The following SP3 variants were observed in gnomAD, a reference collection of about 807,000 sequenced individuals.
SP3 encodes the protein transcription factor Sp3.
SP3 carries 10 observed loss-of-function variants against 70.3 expected under a neutral mutation model. The observed-to-expected ratio is 0.14, with a 90% confidence interval of 0.09 to 0.24. The LOEUF (loss-of-function observed/expected upper bound fraction) is 0.24. SP3 is among the 10% of genes least tolerant of loss of function. The pLI is 1.00. For missense variants in SP3, 825 were observed against 914.6 expected, an observed-to-expected ratio of 0.90 and a Z score of 1.26; for synonymous variants, 402 against 333.5, an observed-to-expected ratio of 1.21 and a Z score of -2.24.
At chr2:173,923,848 A>C (rs555083103) in intron 4 of SP3, among the ~76,000 whole-genome samples, 1 of 152,048 alleles carries the variant, frequency 6.6e-6, no homozygotes, top group South Asian at 2.1e-4. Flanking sequence ...CATAAAAATC[A>C]TCTAACAGAA....
intron 4 of SP3, among the ~76,000 whole-genome samples, chr2:173,925,523 G>C (rs1293110216): frequency 6.6e-6 from 1 of 152,128 alleles, no homozygotes. Context: ...TAACATTACT[G>C]AACTGTACAC....
In SP3 at chr2:173,918,870, T is replaced by C. The variant is rs1393891734; in HGVS notation, c.1640-85A>G. Reference sequence around the variant, plus strand: ...CATGAAATTACATGTCTTCTCCCAATGTTACAACTTTGCATGCACTACTTC... The same window carrying C: ...CATGAAATTACATGTCTTCTCCCAACGTTACAACTTTGCATGCACTACTTC... On this transcript the variant is annotated intron_variant, in intron 4 of 6. Transcript: ENST00000310015. The C allele has an allele frequency of 2.0e-5, 24 of 1,220,930 alleles. No homozygotes were observed. The Admixed American group carries it at 5.9e-4, about 30-fold the overall frequency. The allele number at this position is 1,220,930 out of a possible 1,614,324, so 75.6% of individuals were successfully genotyped here. A position where few individuals can be genotyped will look rare whatever the true frequency, so the allele number is the denominator to read the frequency against.
chr2:173,934,369 C>G (rs1418897557), intron 4 of SP3, among the ~76,000 whole-genome samples: 6 of 152,060 alleles, frequency 3.9e-5, no homozygotes, highest in Non-Finnish European at 8.8e-5. Flanking sequence ...AACTTTCTTA[C>G]CAAGTCTTTT....
intron 4 of SP3, among the ~76,000 whole-genome samples, chr2:173,926,958 G>A (rs1356823236): frequency 1.3e-5 from 2 of 152,124 alleles, no homozygotes; most frequent in African/African-American, 4.8e-5. Flanking sequence ...TCTGCAGGCT[G>A]TATAGGAAGC....
chr2:173,944,697 G>A (rs116584341), intron 4 of SP3, among the ~76,000 whole-genome samples: 1,780 of 152,254 alleles, frequency 0.012, 21 homozygotes, highest in Non-Finnish European at 0.019. Context: ...ATTCTTTTAT[G>A]TTCATCCAGA....
In SP3 at chr2:173,952,426, G is replaced by A. The variant is rs558784002; in HGVS notation, c.1639+2447C>T. ...AGGATGGCTGTAATCAGAAAGATGG[G>A]CAATAATAAGGTTGGTGGCGCTAGA... is the stretch of plus-strand genomic sequence containing the variant. On this transcript the variant is annotated intron_variant, in intron 4 of 6. Coordinates refer to ENST00000310015, the MANE Select transcript of SP3 (RefSeq NM_003111.5). Among the ~76,000 whole-genome samples, 15 of 152,200 alleles carry A rather than the reference G, an allele frequency of 9.9e-5. No homozygotes were observed. The East Asian group carries it at 2.9e-3, about 29-fold the overall frequency.
intron 4 of SP3, among the ~76,000 whole-genome samples, chr2:173,922,346 A>C (rs538760367): frequency 9.9e-5 from 15 of 151,588 alleles, no homozygotes; most frequent in Non-Finnish European, 1.9e-4. Flanking sequence ...ATTAACTGAG[A>C]TATGGTAAAC....
At chr2:173,965,424 C>G (rs909094856), upstream of SP3, 5 of 536,918 alleles carry the variant, frequency 9.3e-6, no homozygotes, top group Non-Finnish European at 1.7e-5. Context: ...CGCCGCCGTG[C>G]TCTTTGTCGG....
rs1048384815 is a variant in SP3, at chr2:173,906,691, G to C, written c.*3250C>G. ...TTCATAAAACAAAACTTTTGGGTCTGAGTAGGCAGTACTGGAATTTAAACT... is the reference window on the plus strand; with the variant it reads ...TTCATAAAACAAAACTTTTGGGTCTCAGTAGGCAGTACTGGAATTTAAACT... On this transcript the variant is annotated 3_prime_UTR_variant, in exon 7 of 7. Transcript: ENST00000310015. 2 of 152,194 alleles carry C rather than the reference G, an allele frequency of 1.3e-5. No homozygotes were observed. The highest frequency in any genetic ancestry group is 1.3e-4 in the Admixed American group (2 of 15,284). 9.4% of individuals were successfully genotyped at this position (152,194 alleles called of 1,614,324 possible).
intron 4 of SP3, among the ~76,000 whole-genome samples, chr2:173,934,848 T>C (rs1203641442): frequency 6.6e-6 from 1 of 152,172 alleles, no homozygotes; most frequent in Non-Finnish European, 1.5e-5. Flanking sequence ...TTCTATTCCA[T>C]CTTCACTTAA....
Position 173,955,718 on chromosome 2 carries a change from G to A in SP3, c.794C>T (p.Thr265Met), listed in dbSNP as rs762983439. The A allele has an allele frequency of 1.9e-6, 3 of 1,614,164 alleles. No individual in the cohort carries two copies. The highest frequency in any genetic ancestry group is 1.7e-5 in the Admixed American group (1 of 60,028). Residue 265 changes from threonine (T) to methionine (M), a missense_variant, in exon 4 of 7, where the codon ACG (threonine) becomes ATG (methionine). Around this residue, in one of 4 missense-constraint regions of SP3, gnomAD observed 678 missense variants for 651.6 expected, o/e 1.04. Transcript: ENST00000310015. ...ATCGACACTATTGATTGGTACAAACGTAATATTTCCTGGCAGACCAAGAGG... is the reference window on the plus strand; with the variant it reads ...ATCGACACTATTGATTGGTACAAACATAATATTTCCTGGCAGACCAAGAGG... ...NVPLGLPGNI[T>M]FVPINSVDLD... is the part of the protein sequence containing the mutation.
intron 1 of SP3, 97 bp downstream of exon 1, chr2:173,965,068 C>A (rs1457779799): frequency 1.3e-6 from 2 of 1,486,380 alleles, no homozygotes; most frequent in African/African-American, 2.8e-5. Flanking sequence ...GTCGCACACA[C>A]GGGGCCGAGA....
At chr2:173,930,400 A>G (rs1380166787) in intron 4 of SP3, among the ~76,000 whole-genome samples, 1 of 151,798 alleles carries the variant, frequency 6.6e-6, no homozygotes, top group Non-Finnish European at 1.5e-5. Flanking sequence ...GACTGCCTCT[A>G]ATTTAATTAA....
intron 4 of SP3, among the ~76,000 whole-genome samples, chr2:173,930,371 AGCCT>A (rs1199866847): frequency 6.6e-6 from 1 of 152,172 alleles, no homozygotes; most frequent in Non-Finnish European, 1.5e-5. Flanking sequence ...ATTTGAGACT[AGCCT>A]GGGTAACACA....
chr2:173,910,047 C>T lies in SP3; in HGVS notation c.2240G>A (p.Gly747Glu), dbSNP rs556988115. ...GGCGGAAGTATTAACAGTTCCTATC[C>T]CTGAAACAGAACCTTGTTGAATATT... ...LANIQQGSVS[G>E]IGTVNTSATS... is the part of the protein sequence containing the mutation. The change falls in exon 7 of 7, where the codon GGG becomes GAG. Residue 747 changes from glycine to glutamate, a missense_variant. By Grantham distance (98) the Gly-to-Glu change is moderately conservative (BLOSUM62 -2). Transcript: ENST00000310015. 75 of 1,613,026 alleles carry T rather than the reference C, an allele frequency of 4.6e-5. No individual in the cohort carries two copies. Among genetic ancestry groups the T allele is most frequent in the Non-Finnish European group, 5.8e-5 (69 of 1,179,594 alleles).
At chr2:173,952,086 T>G (rs745980365) in intron 4 of SP3, among the ~76,000 whole-genome samples, 2 of 150,518 alleles carry the variant, frequency 1.3e-5, no homozygotes, top group African/African-American at 2.5e-5. Context: ...TTCCTTCACA[T>G]GACAGGCTCA....
At chr2:173,965,109 T>TCGG in intron 1 of SP3, 56 bp downstream of exon 1, 2 of 1,543,458 alleles carry the variant, frequency 1.3e-6, no homozygotes, top group Admixed American at 2.0e-5. Flanking sequence ...CTGGCTGTGG[T>TCGG]CGGCGGCAGC....
rs1241980549 is a variant in SP3 at position 173,903,940 on chromosome 2, A to G, written c.*6001T>C. ...GTATTTCCTAGGACGGCGGTCCCCA[A>G]ACTTTTTGGCACCAGGGACTAGTTT... On this transcript the variant is annotated 3_prime_UTR_variant, in exon 7 of 7. Coordinates refer to ENST00000310015, the MANE Select transcript of SP3 (RefSeq NM_003111.5). Among the ~76,000 whole-genome samples, 2 of 146,626 alleles carry G rather than the reference A, an allele frequency of 1.4e-5. No homozygotes were observed. The highest frequency in any genetic ancestry group is 4.2e-4 in the East Asian group (2 of 4,806).
At chr2:173,939,668 G>A (rs1487765575) in intron 4 of SP3, among the ~76,000 whole-genome samples, 4 of 146,232 alleles carry the variant, frequency 2.7e-5, no homozygotes, top group African/African-American at 7.6e-5. Context: ...AGGAGGCTGA[G>A]GCAGGAAGAT....
Sources: gnomAD v4.1 joint callset for allele counts (sites outside exome capture counted in the v4.1 genomes callset) on GRCh38, gnomAD v4.1.1 for gene constraint, gnomAD v4.1.1 regional missense constraint, MANE v1.5 for transcripts, NCBI Gene and HGNC (gene_info 2026-07-23, HGNC 2026-07-21) for gene names.